FGGY: variants seen among roughly 807,000 people sequenced by gnomAD.
The protein encoded by FGGY is FGGY carbohydrate kinase domain containing, also known as FGGY carbohydrate kinase domain-containing protein.
Under a neutral mutation model 71.3 loss-of-function variants are expected in FGGY, and 72 were observed. That is an observed-to-expected ratio of 1.01 (90% CI 0.84 to 1.23). FGGY has a LOEUF of 1.23. Among genes scored for constraint, FGGY ranks in the 50% most tolerant of loss-of-function variants. The pLI, the probability that FGGY is intolerant of heterozygous loss-of-function variation, is 0.00. For synonymous variants in FGGY, 251 were observed against 250.3 expected (o/e 1.00, Z -0.02); for missense variants, 668 against 682.3 (o/e 0.98, Z 0.23).
In FGGY at chr1:59,735,612, A is replaced by G. The variant is rs552272914; in HGVS notation, c.1513-22319A>G. Among the ~76,000 whole-genome samples the G allele has an allele frequency of 1.8e-4, 27 of 152,328 alleles. No individual in the cohort carries two copies. In the South Asian group the frequency reaches 1.9e-3, roughly 11 times the overall value. On this transcript the variant is annotated intron_variant, in intron 14 of 15. Coordinates refer to ENST00000303721, the MANE Select transcript of FGGY (RefSeq NM_018291.5). The stretch of plus-strand genomic sequence containing the variant: ...AACCCACCATCTCTACAAGGCAGCT[A>G]TGACTCCTGTTTTATCTATTTATGA...
At chr1:59,565,544 A>G (rs2153725473) in intron 8 of FGGY, among the ~76,000 whole-genome samples, 1 of 152,294 alleles carries the variant, frequency 6.6e-6, no homozygotes, top group Non-Finnish European at 1.5e-5. Flanking sequence ...TAAGCCTCCC[A>G]AAGTGCTGGG....
At chr1:59,322,281 T>A (rs2046533051) in intron 2 of FGGY, among the ~76,000 whole-genome samples, 1 of 150,290 alleles carries the variant, frequency 6.7e-6, no homozygotes, top group Admixed American at 6.6e-5. Flanking sequence ...GTGCGCTCTT[T>A]TTTTTTTTTT....
chr1:59,726,363 C>A (rs2097948318), intron 14 of FGGY, among the ~76,000 whole-genome samples: 1 of 151,788 alleles, frequency 6.6e-6, no homozygotes, highest in Non-Finnish European at 1.5e-5. Context: ...CATCTATATT[C>A]ATGAGAGAGA....
intron 14 of FGGY, among the ~76,000 whole-genome samples, chr1:59,700,095 C>A (rs907258130): frequency 4.6e-5 from 7 of 152,140 alleles, no homozygotes; most frequent in Admixed American, 2.6e-4. Context: ...CATTAAAATT[C>A]TTCGATTATA....
chr1:59,619,424 A>G (rs760976093), intron 9 of FGGY, among the ~76,000 whole-genome samples: 12 of 152,252 alleles, frequency 7.9e-5, no homozygotes, highest in Admixed American at 5.9e-4. Context: ...GGAAGGTTGT[A>G]GTTTTAAATA....
chr1:59,544,100 C>A (rs560670164), intron 7 of FGGY, among the ~76,000 whole-genome samples: 1 of 152,244 alleles, frequency 6.6e-6, no homozygotes, highest in African/African-American at 2.4e-5. Flanking sequence ...GGAGAGTTAT[C>A]TTTTCTTCTG....
intron 8 of FGGY, among the ~76,000 whole-genome samples, chr1:59,598,204 GT>G (rs2096542449): frequency 6.6e-6 from 1 of 152,220 alleles, no homozygotes; most frequent in Admixed American, 6.5e-5. Flanking sequence ...CTGAAAACCA[GT>G]CTGGGCTCAC....
intron 6 of FGGY, among the ~76,000 whole-genome samples, chr1:59,491,693 C>CTTT (rs5774472): frequency 2.1e-5 from 3 of 145,590 alleles, no homozygotes; most frequent in Non-Finnish European, 3.0e-5. Flanking sequence ...TTTAGCTGTT[C>CTTT]TTTTTTTTTT....
At chr1:59,492,577 A>T (rs2093900680) in intron 6 of FGGY, among the ~76,000 whole-genome samples, 1 of 151,848 alleles carries the variant, frequency 6.6e-6, no homozygotes, top group African/African-American at 2.4e-5. Context: ...AGACTAGATG[A>T]CTCCAGTAGA....
At chr1:59,494,487 T>A (rs1359041010) in intron 6 of FGGY, among the ~76,000 whole-genome samples, 1 of 152,066 alleles carries the variant, frequency 6.6e-6, no homozygotes, top group Non-Finnish European at 1.5e-5. Context: ...GAAGGACAAG[T>A]GATGGGGTAA....
intron 6 of FGGY, among the ~76,000 whole-genome samples, chr1:59,476,913 C>T (rs192554397): frequency 2.0e-5 from 3 of 152,318 alleles, no homozygotes; most frequent in East Asian, 1.9e-4. Context: ...ACCATCTCGG[C>T]TCCTCTGAAA....
intron 14 of FGGY, among the ~76,000 whole-genome samples, chr1:59,738,126 T>A (rs1000558681): frequency 6.6e-6 from 1 of 152,162 alleles, no homozygotes; most frequent in Non-Finnish European, 1.5e-5. Context: ...TTTGTGCCCA[T>A]CTAAAAGCCT....
At chr1:59,734,934 A>G (rs2098087074) in intron 14 of FGGY, among the ~76,000 whole-genome samples, 1 of 152,230 alleles carries the variant, frequency 6.6e-6, no homozygotes, top group South Asian at 2.1e-4. Flanking sequence ...TTATTTTGTA[A>G]TTACCTGGCA....
At chr1:59,635,997 T>G (rs539172411) in intron 10 of FGGY, among the ~76,000 whole-genome samples, 1 of 152,332 alleles carries the variant, frequency 6.6e-6, no homozygotes, top group South Asian at 2.1e-4. Flanking sequence ...CTGGGCAGTG[T>G]TGGAAGGTCT....
At chr1:59,467,664 G>A (rs6587860) in intron 6 of FGGY, among the ~76,000 whole-genome samples, 62,006 of 151,628 alleles carry the variant, frequency 0.41, 12,845 homozygotes, top group Middle Eastern at 0.5. Flanking sequence ...TGACATTACA[G>A]TTACACTTTC....
intron 5 of FGGY, among the ~76,000 whole-genome samples, chr1:59,381,255 G>A (rs1372534870): frequency 3.3e-5 from 5 of 152,184 alleles, no homozygotes; most frequent in South Asian, 2.1e-4. Context: ...TTTTGGCTTA[G>A]GATTGTCTTG....
At chr1:59,314,751 C>T (rs768009919) in intron 1 of FGGY, among the ~76,000 whole-genome samples, 1 of 152,180 alleles carries the variant, frequency 6.6e-6, no homozygotes, top group Non-Finnish European at 1.5e-5. Flanking sequence ...TTATTGAGTA[C>T]CTACTGCATA....
intron 8 of FGGY, among the ~76,000 whole-genome samples, chr1:59,574,166 A>C (rs139763993): frequency 6.6e-6 from 1 of 152,344 alleles, no homozygotes; most frequent in Non-Finnish European, 1.5e-5. Context: ...CACTCAGCCA[A>C]GATCAAGTGT....
chr1:59,321,190 A>C (rs1242202968), intron 1 of FGGY, among the ~76,000 whole-genome samples: 1 of 152,178 alleles, frequency 6.6e-6, no homozygotes, highest in Non-Finnish European at 1.5e-5. Flanking sequence ...TTCACTGAGA[A>C]GAAACTCATC....
Sources: allele counts gnomAD v4.1 joint callset (sites outside exome capture counted in the v4.1 genomes callset), GRCh38; gene constraint gnomAD v4.1.1; transcripts MANE v1.5; gene names NCBI Gene and HGNC (gene_info 2026-07-23, HGNC 2026-07-21).